Variants in LGSN observed in about 807,000 individuals in gnomAD.
LGSN encodes lengsin.
Under a neutral mutation model 19.5 loss-of-function variants are expected in LGSN, and 21 were observed. The ratio of observed to expected loss-of-function variants is 1.07; its 90% CI spans 0.76 to 1.55. The LOEUF is 1.55. Among genes scored for constraint, LGSN ranks in the 40% most tolerant of loss-of-function variants. The pLI is 0.00. For synonymous variants in LGSN, 257 were observed against 215.6 expected (o/e 1.19, Z -1.68); for missense variants, 673 against 608.5 (o/e 1.11, Z -1.12).
At chr6:63,514,316 C>G in the LGSN span, among the ~76,000 whole-genome samples, 2 of 152,236 alleles carry the variant, frequency 1.3e-5, no homozygotes, top group African/African-American at 4.8e-5. Context: ...CAACCTCTGC[C>G]TCCCGGGTTC....
At chr6:63,384,536 T>TGA in the LGSN span, among the ~76,000 whole-genome samples, 54 of 147,562 alleles carry the variant, frequency 3.7e-4, no homozygotes, top group African/African-American at 8.0e-4. Flanking sequence ...TGTGTGTGTG[T>TGA]GATGGAGTTT....
chr6:63,441,731 G>T, the LGSN span: 1 of 407,748 alleles, frequency 2.5e-6, no homozygotes, highest in Non-Finnish European at 4.7e-6. Context: ...AACAAATTAG[G>T]CCCCCAAATC....
At chr6:63,468,103 G>C in the LGSN span, among the ~76,000 whole-genome samples, 1 of 152,030 alleles carries the variant, frequency 6.6e-6, no homozygotes, top group Admixed American at 6.6e-5. Flanking sequence ...GTAACAATCA[G>C]TGATACTGTT....
At position 63,279,361 on chromosome 6, in the gene LGSN, A is replaced by G. The variant is rs1000222044; in HGVS notation, c.*660T>C. On this transcript the variant is annotated 3_prime_UTR_variant, in exon 4 of 4. Coordinates refer to ENST00000370657, the MANE Select transcript of LGSN (RefSeq NM_016571.3). The stretch of plus-strand genomic sequence containing the variant: ...TCTGACCTCGTTGTTCTCAGCTCCA[A>G]TTCTATTCCTTAGGGATTTGTTTCT... The G allele has an allele frequency of 1.3e-5, 2 of 152,242 alleles. No individual in the cohort carries two copies. The highest frequency in any genetic ancestry group is 2.9e-5 in the Non-Finnish European group (2 of 68,058). 9.4% of individuals were successfully genotyped at this position (152,242 alleles called of 1,614,324 possible). A position where few individuals can be genotyped will look rare whatever the true frequency, so the allele number is the denominator to read the frequency against.
At chr6:63,364,516 A>G in the LGSN span, among the ~76,000 whole-genome samples, 54 of 152,304 alleles carry the variant, frequency 3.5e-4, no homozygotes, top group African/African-American at 1.2e-3. Flanking sequence ...TGTCAACATT[A>G]GAGAGATCAA....
At chr6:63,468,003 T>TTTAATTATCTC in the LGSN span, among the ~76,000 whole-genome samples, 1 of 152,182 alleles carries the variant, frequency 6.6e-6, no homozygotes, top group African/African-American at 2.4e-5. Context: ...TAATTATCTC[T>TTTAATTATCTC]TTAATTATCT....
At chr6:63,474,591 A>G in the LGSN span, among the ~76,000 whole-genome samples, 2 of 141,928 alleles carry the variant, frequency 1.4e-5, no homozygotes, top group Non-Finnish European at 3.1e-5. Context: ...CCTGGGCCAC[A>G]GAGCAAGACT....
chr6:63,448,842 GA>G, the LGSN span, among the ~76,000 whole-genome samples: 1 of 149,738 alleles, frequency 6.7e-6, no homozygotes, highest in Non-Finnish European at 1.5e-5. Flanking sequence ...AAAATACTCA[GA>G]AAAAAAATAA....
At chr6:63,345,156 G>A in the LGSN span, among the ~76,000 whole-genome samples, 5 of 152,184 alleles carry the variant, frequency 3.3e-5, no homozygotes, top group Non-Finnish European at 7.4e-5. Flanking sequence ...ATATTATTAT[G>A]CTAATGCTAA....
At chr6:63,338,129 C>T in the LGSN span, among the ~76,000 whole-genome samples, 1 of 152,114 alleles carries the variant, frequency 6.6e-6, no homozygotes, top group Non-Finnish European at 1.5e-5. Flanking sequence ...CAGGTGATCA[C>T]CTTGCCTTGG....
At chr6:63,529,799 C>T in the LGSN span, among the ~76,000 whole-genome samples, 66 of 152,074 alleles carry the variant, frequency 4.3e-4, no homozygotes, top group Non-Finnish European at 8.5e-4. Context: ...TACCCACATC[C>T]TATATTGGCA....
chr6:63,406,778 T>G, the LGSN span, among the ~76,000 whole-genome samples: 1 of 151,756 alleles, frequency 6.6e-6, no homozygotes, highest in Non-Finnish European at 1.5e-5. Context: ...GATAGACTGC[T>G]AGCAAGACTA....
the LGSN span, among the ~76,000 whole-genome samples, chr6:63,438,327 TG>T: frequency 6.6e-6 from 1 of 152,042 alleles, no homozygotes; most frequent in Non-Finnish European, 1.5e-5. Flanking sequence ...CCAAAAGCAA[TG>T]GCAACAAAAG....
the LGSN span, chr6:63,548,761 T>C: frequency 2.8e-6 from 2 of 703,010 alleles, no homozygotes; most frequent in East Asian, 2.5e-5. Flanking sequence ...AGCTTGCCAA[T>C]GCAAGCCACA....
the LGSN span, among the ~76,000 whole-genome samples, chr6:63,474,653 G>T: frequency 4.0e-5 from 6 of 151,764 alleles, no homozygotes; most frequent in African/African-American, 1.2e-4. Flanking sequence ...TGGGCGCTGT[G>T]GCTCACGCCT....
the LGSN span, among the ~76,000 whole-genome samples, chr6:63,535,240 A>C: frequency 6.6e-6 from 1 of 152,088 alleles, no homozygotes; most frequent in South Asian, 2.1e-4. Flanking sequence ...CAAGGAGGGC[A>C]AATCACTTGA....
the LGSN span, among the ~76,000 whole-genome samples, chr6:63,532,880 A>T: frequency 6.6e-6 from 1 of 152,228 alleles, no homozygotes; most frequent in Non-Finnish European, 1.5e-5. Context: ...TGATCAAATT[A>T]TATCTGCTTT....
the LGSN span, among the ~76,000 whole-genome samples, chr6:63,457,050 C>G: frequency 2.6e-5 from 4 of 152,286 alleles, no homozygotes; most frequent in African/African-American, 9.6e-5. Context: ...TGCTGCTCAC[C>G]TGGAGCATTC....
the LGSN span, among the ~76,000 whole-genome samples, chr6:63,343,870 C>T: frequency 2.9e-3 from 447 of 152,248 alleles, 3 homozygotes; most frequent in African/African-American, 0.01. Context: ...TAGGAAGCCA[C>T]TAGGATTCAG....
Sources: gnomAD v4.1 joint callset for allele counts (sites outside exome capture counted in the v4.1 genomes callset) on GRCh38, gnomAD v4.1.1 for gene constraint, MANE v1.5 for transcripts, NCBI Gene and HGNC (gene_info 2026-07-23, HGNC 2026-07-21) for gene names.